The following DCTD variants were observed in gnomAD, a reference collection of about 807,000 sequenced individuals.
DCTD encodes dCMP deaminase.
DCTD carries 23 observed loss-of-function variants against 21.0 expected under a neutral mutation model. The observed-to-expected ratio is 1.09, with a 90% CI of 0.79 to 1.55. DCTD has a LOEUF of 1.55. Ranked by LOEUF, DCTD falls within the 40% of genes most tolerant of loss-of-function variation. DCTD has a pLI of 0.00. For synonymous variants in DCTD, 71 were observed against 81.1 expected (o/e 0.88, Z 0.67); for missense variants, 224 against 230.0 (o/e 0.97, Z 0.17).
chr4:182,911,653 C>T (rs1737700350), intron 3 of DCTD: 1 of 152,114 alleles, frequency 6.6e-6, no homozygotes, highest in African/African-American at 2.4e-5. Context: ...AAGTTACTTA[C>T]AAGAAAGGAG....
chr4:182,897,601 C>A (rs1469570943), intron 3 of DCTD, among the ~76,000 whole-genome samples: 2 of 152,014 alleles, frequency 1.3e-5, no homozygotes, highest in Non-Finnish European at 2.9e-5. Flanking sequence ...AAGGAACAAT[C>A]CAAAATCCCA....
chr4:182,899,526 G>A lies in DCTD; in HGVS notation c.245-4921C>T, dbSNP rs150595623. Among the ~76,000 whole-genome samples, 53 of 151,634 alleles carry A rather than the reference G, an allele frequency of 3.5e-4. No homozygotes were observed. In the East Asian group the frequency reaches 6.8e-3, roughly 20 times the overall value. ...GATGATTCTCCTGCCTCAGCCTCCC[G>A]AGTAGCTGGGATTACAGGCACCCGT... On this transcript the variant is annotated intron_variant, in intron 3 of 5. Transcript: ENST00000438320.
intron 3 of DCTD, among the ~76,000 whole-genome samples, chr4:182,913,088 G>A (rs903112702): frequency 2.0e-5 from 3 of 152,210 alleles, no homozygotes; most frequent in East Asian, 3.8e-4. Context: ...GAACCGCACT[G>A]TGAAAAATTA....
intron 2 of DCTD, 63 bp downstream of exon 2, chr4:182,915,398 G>T: frequency 9.0e-7 from 1 of 1,116,276 alleles, no homozygotes; most frequent in Non-Finnish European, 1.4e-6. Context: ...TCCCCTTTCT[G>T]CTCATGTGCA....
intron 3 of DCTD, among the ~76,000 whole-genome samples, chr4:182,902,843 C>T (rs1185190665): frequency 6.6e-6 from 1 of 152,188 alleles, no homozygotes; most frequent in Non-Finnish European, 1.5e-5. Flanking sequence ...GCTAAAGCAA[C>T]ACAGTAGGAC....
At chr4:182,905,816 C>T (rs1350098018) in intron 3 of DCTD, among the ~76,000 whole-genome samples, 2 of 152,234 alleles carry the variant, frequency 1.3e-5, no homozygotes. Context: ...GACCACCCAA[C>T]CCTTTGCAGG....
At chr4:182,891,943 C>T (rs1377817826) in intron 5 of DCTD, among the ~76,000 whole-genome samples, 1 of 144,260 alleles carries the variant, frequency 6.9e-6, no homozygotes, top group Admixed American at 7.4e-5. Context: ...TCTAAAAATG[C>T]AAACATAAAC....
chr4:182,894,656 A>AAAGT, intron 3 of DCTD, 51 bp from the exon 4 acceptor site: 2 of 1,125,734 alleles, frequency 1.8e-6, no homozygotes, highest in South Asian at 2.5e-5. Context: ...GCTCATGAAG[A>AAAGT]ATTTACTAAG....
chr4:182,914,950 T>C lies in DCTD; in HGVS notation c.217A>G (p.Asn73Asp). 1 of 1,614,204 alleles carries C rather than the reference T, an allele frequency of 6.2e-7. No homozygotes were observed. The highest frequency in any genetic ancestry group is 8.5e-7 in the Non-Finnish European group (1 of 1,180,036). The change falls in exon 3 of 6, where the codon AAT (asparagine) becomes GAT (aspartate). Residue 73 changes from asparagine (N) to aspartate (D), a missense_variant. Asn to Asp is a conservative substitution (Grantham distance 23). Coordinates refer to ENST00000438320, the MANE Select transcript of DCTD (RefSeq NM_001921.3). ...DVLPWRRTAE[N>D]KLDTKYPYVC... is the part of the protein sequence containing the mutation. Reference sequence around the variant, plus strand: ...TACGGGTATTTGGTGTCCAGCTTATTCTCTGCTGTCCTTCTCCAAGGCAAC... The same window carrying C: ...TACGGGTATTTGGTGTCCAGCTTATCCTCTGCTGTCCTTCTCCAAGGCAAC...
intron 2 of DCTD, 114 bp from the exon 3 acceptor site, chr4:182,915,172 G>T: frequency 7.3e-7 from 1 of 1,364,578 alleles, no homozygotes; most frequent in Non-Finnish European, 1.0e-6. Flanking sequence ...CATAGCTGCT[G>T]CAGGTGCTGA....
chr4:182,897,963 G>C (rs1209526805), intron 3 of DCTD, among the ~76,000 whole-genome samples: 1 of 152,210 alleles, frequency 6.6e-6, no homozygotes, highest in Non-Finnish European at 1.5e-5. Context: ...AGGCCGCCCT[G>C]TACCTCCTTT....
chr4:182,905,252 C>T (rs1429404630), intron 3 of DCTD, among the ~76,000 whole-genome samples: 3 of 151,974 alleles, frequency 2.0e-5, no homozygotes, highest in African/African-American at 4.8e-5. Context: ...CTGACCTCCA[C>T]GTTGCTGAAC....
intron 3 of DCTD, among the ~76,000 whole-genome samples, chr4:182,899,307 T>C (rs1396521645): frequency 1.3e-5 from 2 of 152,204 alleles, no homozygotes; most frequent in Non-Finnish European, 2.9e-5. Context: ...TACTTTTCTG[T>C]AGGTCCTTTT....
chr4:182,901,777 TA>T (rs33920727), intron 3 of DCTD, among the ~76,000 whole-genome samples: 19,976 of 139,444 alleles, frequency 0.14, 1,934 homozygotes, highest in African/African-American at 0.3. Flanking sequence ...ACCTGTGCAT[TA>T]AAAAAAAAAA....
At chr4:182,914,775 A>G (rs1738393132) in intron 3 of DCTD, 148 bp downstream of exon 3, 2 of 867,282 alleles carry the variant, frequency 2.3e-6, no homozygotes, top group Non-Finnish European at 3.5e-6. Context: ...TTAAGAGACA[A>G]GGCCAGGAAA....
chr4:182,911,675 C>T (rs1737704274), intron 3 of DCTD, among the ~76,000 whole-genome samples: 2 of 152,162 alleles, frequency 1.3e-5, no homozygotes, highest in Non-Finnish European at 2.9e-5. Flanking sequence ...AGGCTTAGAT[C>T]CTGTGGGCAT....
intron 3 of DCTD, among the ~76,000 whole-genome samples, chr4:182,900,879 T>C (rs1374580389): frequency 6.6e-6 from 1 of 151,368 alleles, no homozygotes; most frequent in Non-Finnish European, 1.5e-5. Context: ...TTTTCTTTTC[T>C]ATTACTAACT....
chr4:182,916,744 G>A (rs1380999846), intron 1 of DCTD: 28 of 1,101,306 alleles, frequency 2.5e-5, no homozygotes, highest in Non-Finnish European at 2.9e-5. Flanking sequence ...GAGGGAGGGG[G>A]AGCCATGGGG....
intron 3 of DCTD, among the ~76,000 whole-genome samples, chr4:182,908,755 G>T (rs1737186701): frequency 6.6e-6 from 1 of 150,592 alleles, no homozygotes; most frequent in African/African-American, 2.4e-5. Context: ...TTTGCATTCA[G>T]ATCATTAATG....
Sources: gnomAD v4.1 joint callset for allele counts (sites outside exome capture counted in the v4.1 genomes callset) on GRCh38, gnomAD v4.1.1 for gene constraint, MANE v1.5 for transcripts, NCBI Gene and HGNC (gene_info 2026-07-23, HGNC 2026-07-21) for gene names.